The following FGF10 variants were observed in gnomAD, a reference collection of about 807,000 sequenced individuals.
The protein encoded by FGF10 is fibroblast growth factor 10.
In FGF10, 2 loss-of-function variants were observed where a neutral mutation model predicts 19.8. The observed-to-expected ratio is 0.10, with a 90% CI of 0.04 to 0.32. The LOEUF is 0.32. FGF10 is among the 10% of genes least tolerant of loss of function. The pLI, the probability that FGF10 is intolerant of heterozygous loss-of-function variation, is 1.00. For synonymous variants in FGF10, 112 were observed against 94.0 expected, an observed-to-expected ratio of 1.19 and a Z score of -1.10; for missense variants, 191 against 246.3, an observed-to-expected ratio of 0.78 and a Z score of 1.50.
At chr5:44,324,148 T>C (rs2111736634) in intron 1 of FGF10, among the ~76,000 whole-genome samples, 2 of 151,868 alleles carry the variant, frequency 1.3e-5, no homozygotes, top group Middle Eastern at 3.4e-3. Context: ...TGAGTTCTCA[T>C]GCACATAAAA....
At chr5:44,352,498 A>C (rs1425457972) in intron 1 of FGF10, among the ~76,000 whole-genome samples, 1 of 151,640 alleles carries the variant, frequency 6.6e-6, no homozygotes, top group African/African-American at 2.4e-5. Flanking sequence ...ACTCTGATTG[A>C]GACAGCTAAT....
At chr5:44,309,586 T>G (rs953270708) in intron 2 of FGF10, among the ~76,000 whole-genome samples, 1 of 152,162 alleles carries the variant, frequency 6.6e-6, no homozygotes, top group Non-Finnish European at 1.5e-5. Flanking sequence ...ATCTGGCATA[T>G]AGTAGATGTT....
chr5:44,341,532 G>A (rs72763196), intron 1 of FGF10, among the ~76,000 whole-genome samples: 10,836 of 151,494 alleles, frequency 0.072, 518 homozygotes, highest in Middle Eastern at 0.11. Flanking sequence ...TTTTCAAGTA[G>A]GTAAGTTATT....
intron 1 of FGF10, among the ~76,000 whole-genome samples, chr5:44,316,219 C>T (rs1269667465): frequency 6.6e-6 from 1 of 152,142 alleles, no homozygotes; most frequent in Non-Finnish European, 1.5e-5. Flanking sequence ...CATCTACAAA[C>T]CATCTCCTCA....
chr5:44,345,500 A>G (rs1166181162), intron 1 of FGF10, among the ~76,000 whole-genome samples: 1 of 151,612 alleles, frequency 6.6e-6, no homozygotes, highest in Non-Finnish European at 1.5e-5. Context: ...ATGCTTGGGG[A>G]TCTCTTCACA....
chr5:44,364,830 A>G (rs1463393026), intron 1 of FGF10, among the ~76,000 whole-genome samples: 1 of 151,948 alleles, frequency 6.6e-6, no homozygotes, highest in African/African-American at 2.4e-5. Context: ...AAGGAAACCA[A>G]GATAGAAATC....
At chr5:44,348,482 A>T (rs1741136627) in intron 1 of FGF10, among the ~76,000 whole-genome samples, 1 of 151,430 alleles carries the variant, frequency 6.6e-6, no homozygotes, top group Non-Finnish European at 1.5e-5. Flanking sequence ...CTAATTGTGC[A>T]TATTTGTGTT....
At chr5:44,321,171 T>G (rs1740476296) in intron 1 of FGF10, among the ~76,000 whole-genome samples, 1 of 152,164 alleles carries the variant, frequency 6.6e-6, no homozygotes, top group South Asian at 2.1e-4. Flanking sequence ...TAAGGACATT[T>G]GTCATGAACT....
At chr5:44,329,444 G>A (rs952828295) in intron 1 of FGF10, among the ~76,000 whole-genome samples, 5 of 151,990 alleles carry the variant, frequency 3.3e-5, no homozygotes, top group African/African-American at 1.2e-4. Context: ...CAAAGTGCTG[G>A]GATTACAGGT....
At chr5:44,361,641 G>A (rs1579932652) in intron 1 of FGF10, among the ~76,000 whole-genome samples, 1 of 151,650 alleles carries the variant, frequency 6.6e-6, no homozygotes, top group African/African-American at 2.4e-5. Context: ...CCAGGGAGGA[G>A]AGAGAAGTCT....
At chr5:44,382,698 T>C (rs1742010218) in intron 1 of FGF10, among the ~76,000 whole-genome samples, 1 of 152,162 alleles carries the variant, frequency 6.6e-6, no homozygotes, top group Non-Finnish European at 1.5e-5. Flanking sequence ...TTTAAATCCT[T>C]CTGCATAAAT....
rs1554038157 is a variant in FGF10, at chr5:44,349,453, T to TATATCAGA, written c.325+38904_325+38905insTCTGATAT. ...ATATATATATATATATATATATATA[T>TATATCAGA]ATATATATATATATATCAGAATATA... is the stretch of plus-strand genomic sequence containing the variant. On this transcript the variant is annotated intron_variant, in intron 1 of 2. Transcript: ENST00000264664. Among the ~76,000 whole-genome samples the TATATCAGA allele has an allele frequency of 6.2e-3, 143 of 23,064 alleles. 4 individuals carry two copies. The highest frequency in any genetic ancestry group is 0.019 in the African/African-American group (136 of 7,206). The allele number at this position is 23,064 out of a possible 152,430, so 15.1% of individuals were successfully genotyped here. A position where few individuals can be genotyped will look rare whatever the true frequency, so the allele number is the denominator to read the frequency against.
Position 44,376,490 on chromosome 5 carries a change from C to CAAAAAAA in FGF10, c.325+11861_325+11867dup, listed in dbSNP as rs764913349. Among the ~76,000 whole-genome samples, 272 of 34,490 alleles carry CAAAAAAA rather than the reference C, an allele frequency of 7.9e-3. 39 individuals are homozygous for CAAAAAAA. Among genetic ancestry groups the CAAAAAAA allele is most frequent in the East Asian group, 0.039 (18 of 464 alleles). The allele number at this position is 34,490 out of a possible 152,430, so 22.6% of individuals were successfully genotyped here. On this transcript the variant is annotated intron_variant, in intron 1 of 2. Transcript: ENST00000264664. ...CTAAGACAAGTTAGAATACAAATGCCAAAAAAAAAAAAAAAAAAAAAAAAA... is the reference window on the plus strand; with the variant it reads ...CTAAGACAAGTTAGAATACAAATGCCAAAAAAAAAAAAAAAAAAAAAAAAAAAAAAAA...
At chr5:44,379,278 A>T (rs915166694) in intron 1 of FGF10, among the ~76,000 whole-genome samples, 1 of 152,204 alleles carries the variant, frequency 6.6e-6, no homozygotes, top group Non-Finnish European at 1.5e-5. Context: ...AGAAAGACCA[A>T]CTTTTTTCAA....
At chr5:44,325,439 T>G (rs1016758198) in intron 1 of FGF10, among the ~76,000 whole-genome samples, 2 of 152,062 alleles carry the variant, frequency 1.3e-5, no homozygotes, top group African/African-American at 4.8e-5. Flanking sequence ...TGCACACGTA[T>G]GTTTATTGCG....
rs754880201 is a variant in FGF10, at chr5:44,301,207, G to A, written c.*3788C>T. On this transcript the variant is annotated 3_prime_UTR_variant, in exon 3 of 3. Transcript: ENST00000264664. Reference sequence around the variant, plus strand: ...TAATCAATATGGTATCTGTTTGCATGTATATGTCCTACTTCTAATGTACTA... The same window carrying A: ...TAATCAATATGGTATCTGTTTGCATATATATGTCCTACTTCTAATGTACTA... Among the ~76,000 whole-genome samples, 1 of 151,824 alleles carries A rather than the reference G, an allele frequency of 6.6e-6. No individual in the cohort carries two copies. Among genetic ancestry groups the A allele is most frequent in the Non-Finnish European group, 1.5e-5 (1 of 67,956 alleles).
chr5:44,387,889 TGACAGCG>T (rs1348785498), intron 1 of FGF10, among the ~76,000 whole-genome samples: 2 of 151,994 alleles, frequency 1.3e-5, no homozygotes, highest in African/African-American at 2.4e-5. Context: ...CCCCTATAAT[TGACAGCG>T]GATAATTATT....
chr5:44,366,109 C>T (rs1025787508), intron 1 of FGF10, among the ~76,000 whole-genome samples: 2 of 139,218 alleles, frequency 1.4e-5, no homozygotes, highest in Non-Finnish European at 3.0e-5. Flanking sequence ...ACTCTCTCAC[C>T]TCTATATCAA....
intron 1 of FGF10, among the ~76,000 whole-genome samples, chr5:44,318,227 A>G (rs2111715794): frequency 6.6e-6 from 1 of 152,314 alleles, no homozygotes; most frequent in East Asian, 1.9e-4. Flanking sequence ...AGCCTGAACG[A>G]TTACGTTAGA....
Sources: gnomAD v4.1 joint callset for allele counts (sites outside exome capture counted in the v4.1 genomes callset) on GRCh38, gnomAD v4.1.1 for gene constraint, MANE v1.5 for transcripts, NCBI Gene and HGNC (gene_info 2026-07-23, HGNC 2026-07-21) for gene names.